RGS6: variants seen among roughly 807,000 people sequenced by gnomAD.
RGS6 encodes the protein regulator of G protein signaling 6, also known as regulator of G-protein signaling 6.
Under a neutral mutation model 78.5 loss-of-function variants are expected in RGS6, and 30 were observed. That is an observed-to-expected ratio of 0.38 (90% confidence interval 0.29 to 0.52). The LOEUF (loss-of-function observed/expected upper bound fraction) is 0.52. RGS6 is among the 20% of genes least tolerant of loss of function. The pLI is 0.85. For missense variants in RGS6, 495 were observed against 609.7 expected (o/e 0.81, Z 1.98); for synonymous variants, 206 against 206.0 (o/e 1.00, Z 0.00).
intron 2 of RGS6, among the ~76,000 whole-genome samples, chr14:71,967,076 C>A (rs914068540): frequency 3.7e-4 from 56 of 151,796 alleles, no homozygotes; most frequent in Middle Eastern, 3.4e-3. Context: ...TAGTAAGGGG[C>A]CCTTTTCTGG....
chr14:72,156,751 A>G (rs1031000064), intron 2 of RGS6, among the ~76,000 whole-genome samples: 2 of 152,210 alleles, frequency 1.3e-5, no homozygotes, highest in Admixed American at 6.5e-5. Context: ...GGTATGGGCC[A>G]TGTCCACAAG....
intron 3 of RGS6, among the ~76,000 whole-genome samples, chr14:72,451,252 C>T (rs2095486109): frequency 6.6e-6 from 1 of 152,190 alleles, no homozygotes; most frequent in Non-Finnish European, 1.5e-5. Context: ...CAGCAGCTGT[C>T]ATGGTGGCTG....
chr14:72,004,298 G>T (rs1236028914), intron 2 of RGS6, among the ~76,000 whole-genome samples: 4 of 152,098 alleles, frequency 2.6e-5, no homozygotes, highest in Non-Finnish European at 5.9e-5. Flanking sequence ...ATGAATGGAT[G>T]GTGCACCTGG....
intron 2 of RGS6, among the ~76,000 whole-genome samples, chr14:72,157,041 G>T (rs1199373903): frequency 6.6e-6 from 1 of 152,210 alleles, no homozygotes; most frequent in Admixed American, 6.5e-5. Context: ...AAGTGAAGCT[G>T]TTCTTCACCT....
chr14:72,242,194 G>GTT (rs1172306962), intron 2 of RGS6, among the ~76,000 whole-genome samples: 2 of 152,152 alleles, frequency 1.3e-5, no homozygotes, highest in Non-Finnish European at 2.9e-5. Flanking sequence ...AGAGATAAGG[G>GTT]TTTATATACC....
chr14:72,532,950 A>T (rs1213030502), intron 15 of RGS6, among the ~76,000 whole-genome samples: 1 of 152,276 alleles, frequency 6.6e-6, no homozygotes, highest in Non-Finnish European at 1.5e-5. Flanking sequence ...GTTATCCAGA[A>T]GATCTAGCTA....
intron 13 of RGS6, among the ~76,000 whole-genome samples, chr14:72,502,979 C>T (rs1196841509): frequency 2.6e-5 from 4 of 152,144 alleles, no homozygotes; most frequent in African/African-American, 7.2e-5. Context: ...GTTCAGGCTG[C>T]TACAGCAAAA....
At chr14:71,915,407 A>ATT in the RGS6 span, among the ~76,000 whole-genome samples, 1 of 152,090 alleles carries the variant, frequency 6.6e-6, no homozygotes, top group Non-Finnish European at 1.5e-5. Flanking sequence ...TAGCAGACGA[A>ATT]TTTTGTGTCT....
At chr14:72,250,311 A>G (rs544046009) in intron 2 of RGS6, among the ~76,000 whole-genome samples, 3 of 150,702 alleles carry the variant, frequency 2.0e-5, no homozygotes, top group African/African-American at 7.3e-5. Flanking sequence ...CTCTTTAAGG[A>G]AATTTTCCTA....
chr14:71,875,623 G>T, the RGS6 span, among the ~76,000 whole-genome samples: 1 of 152,058 alleles, frequency 6.6e-6, no homozygotes, highest in African/African-American at 2.4e-5. Flanking sequence ...TTTTTGAAGG[G>T]TTTTTTGTGT....
intron 12 of RGS6, among the ~76,000 whole-genome samples, chr14:72,480,417 T>G (rs560425268): frequency 2.0e-5 from 3 of 152,202 alleles, no homozygotes; most frequent in Non-Finnish European, 4.4e-5. Flanking sequence ...TGGTACCACC[T>G]AATTATGCTT....
intron 2 of RGS6, among the ~76,000 whole-genome samples, chr14:72,282,030 G>A (rs901749960): frequency 1.3e-5 from 2 of 152,170 alleles, no homozygotes; most frequent in Non-Finnish European, 1.5e-5. Flanking sequence ...GCAACTGTAG[G>A]CTTTTTGCTC....
At chr14:72,370,518 G>A (rs982630207) in intron 3 of RGS6, among the ~76,000 whole-genome samples, 2 of 152,136 alleles carry the variant, frequency 1.3e-5, no homozygotes, top group African/African-American at 2.4e-5. Context: ...CATCTTAACC[G>A]CACGGGGAGG....
At chr14:72,164,741 A>G (rs1006555914) in intron 2 of RGS6, among the ~76,000 whole-genome samples, 7 of 152,070 alleles carry the variant, frequency 4.6e-5, no homozygotes, top group African/African-American at 1.7e-4. Flanking sequence ...TTTGTTGGCT[A>G]TCTTGAGCTG....
rs1283782616 is a variant in RGS6, at chr14:72,304,602, C to T, written c.85-47493C>T. Among the ~76,000 whole-genome samples the T allele has an allele frequency of 5.3e-5, 8 of 152,112 alleles. No homozygotes were observed. The East Asian group carries it at 5.8e-4, about 11-fold the overall frequency. ...TAAATTTTAATAAACATTGGCCAGG[C>T]GCAGTGGCTCACACCTGTAATTCCA... On this transcript the variant is annotated intron_variant, in intron 2 of 17. Transcript: ENST00000553525.
At chr14:72,239,346 T>A (rs1459981986) in intron 2 of RGS6, among the ~76,000 whole-genome samples, 1 of 152,148 alleles carries the variant, frequency 6.6e-6, no homozygotes, top group Non-Finnish European at 1.5e-5. Context: ...CCATTTTGTC[T>A]CTTAATGCAC....
chr14:72,243,901 G>A (rs1225628085), intron 2 of RGS6, among the ~76,000 whole-genome samples: 1 of 152,192 alleles, frequency 6.6e-6, no homozygotes, highest in Non-Finnish European at 1.5e-5. Flanking sequence ...AACAGCCTGG[G>A]AGATCATGGA....
chr14:72,474,182 C>G (rs1011186138), intron 9 of RGS6: 1 of 153,106 alleles, frequency 6.5e-6, no homozygotes, highest in African/African-American at 2.4e-5. Flanking sequence ...TTTCTGATTT[C>G]ACGTTATTAA....
chr14:72,588,037 C>A, the RGS6 span, among the ~76,000 whole-genome samples: 3 of 152,070 alleles, frequency 2.0e-5, no homozygotes, highest in East Asian at 5.8e-4. Flanking sequence ...AAGAGGCAGC[C>A]CTTTTGGGGA....
Sources: gnomAD v4.1 joint callset for allele counts (sites outside exome capture counted in the v4.1 genomes callset) on GRCh38, gnomAD v4.1.1 for gene constraint, MANE v1.5 for transcripts, NCBI Gene and HGNC (gene_info 2026-07-23, HGNC 2026-07-21) for gene names.